RBMS3: variants seen among roughly 807,000 people sequenced by gnomAD.
The protein encoded by RBMS3 is RNA-binding motif, single-stranded-interacting protein 3.
Under a neutral mutation model 66.8 loss-of-function variants are expected in RBMS3, and 27 were observed. The observed-to-expected ratio is 0.40, with a 90% CI of 0.30 to 0.56. RBMS3 has a LOEUF of 0.56. Ranked by LOEUF, RBMS3 falls within the 20% of genes least tolerant of loss-of-function variation. The probability of loss-of-function intolerance (pLI) is 0.40; values close to 1 mark genes in which losing one functional copy is unlikely to be tolerated. For synonymous variants in RBMS3, 188 were observed against 183.0 expected (o/e 1.03, Z -0.22); for missense variants, 513 against 549.5 (o/e 0.93, Z 0.66).
At chr3:29,520,722 C>T (rs1004132884) in intron 3 of RBMS3, among the ~76,000 whole-genome samples, 33 of 151,990 alleles carry the variant, frequency 2.2e-4, no homozygotes, top group African/African-American at 6.5e-4. Context: ...TGTGTCTCAG[C>T]GAAACATTGA....
At chr3:29,497,278 G>A (rs2043790901) in intron 3 of RBMS3, among the ~76,000 whole-genome samples, 2 of 152,026 alleles carry the variant, frequency 1.3e-5, no homozygotes, top group Non-Finnish European at 2.9e-5. Flanking sequence ...CAAATTGCTG[G>A]GATTACAGGC....
intron 6 of RBMS3, among the ~76,000 whole-genome samples, chr3:29,862,734 C>T (rs2059247191): frequency 6.6e-6 from 1 of 151,738 alleles, no homozygotes. Flanking sequence ...GTCCCAGATA[C>T]TCAGGAGGAT....
chr3:29,526,570 T>G (rs1469030569), intron 3 of RBMS3, among the ~76,000 whole-genome samples: 1 of 118,222 alleles, frequency 8.5e-6, no homozygotes. Context: ...AAAAAAAAGT[T>G]TGAGAAGCAG....
At chr3:29,554,512 A>G (rs1331794923) in intron 3 of RBMS3, among the ~76,000 whole-genome samples, 1 of 152,206 alleles carries the variant, frequency 6.6e-6, no homozygotes, top group African/African-American at 2.4e-5. Flanking sequence ...ATTTACTATA[A>G]ATGGAAGTAA....
intron 3 of RBMS3, among the ~76,000 whole-genome samples, chr3:29,558,199 A>G (rs1436301956): frequency 6.6e-6 from 1 of 152,202 alleles, no homozygotes; most frequent in Non-Finnish European, 1.5e-5. Flanking sequence ...GAAGAAAGTA[A>G]TAAAAGATAT....
chr3:29,405,650 G>T (rs1195874200), intron 1 of RBMS3, among the ~76,000 whole-genome samples: 2 of 152,068 alleles, frequency 1.3e-5, no homozygotes, highest in African/African-American at 4.8e-5. Flanking sequence ...TTGCTTAACT[G>T]CATCTTGCTC....
chr3:29,321,048 G>A (rs1302426281), intron 1 of RBMS3, among the ~76,000 whole-genome samples: 5 of 151,966 alleles, frequency 3.3e-5, no homozygotes, highest in South Asian at 2.1e-4. Flanking sequence ...GCCAATGAAC[G>A]TACCAAATGA....
chr3:29,904,645 T>C (rs1462604571), intron 10 of RBMS3, among the ~76,000 whole-genome samples: 1 of 152,038 alleles, frequency 6.6e-6, no homozygotes, highest in Admixed American at 6.6e-5. Context: ...CATTTTAAAA[T>C]TTGATATACA....
intron 4 of RBMS3, among the ~76,000 whole-genome samples, chr3:29,701,518 C>T (rs1576559673): frequency 6.6e-6 from 1 of 152,116 alleles, no homozygotes; most frequent in Non-Finnish European, 1.5e-5. Context: ...CTATGGGAGC[C>T]CCTCTCTGGG....
At chr3:29,549,059 G>GTTTT (rs5847579) in intron 3 of RBMS3, among the ~76,000 whole-genome samples, 860 of 85,312 alleles carry the variant, frequency 0.01, 22 homozygotes, top group African/African-American at 0.013. Flanking sequence ...TCCTACTTCT[G>GTTTT]TTTTTTTTTT....
chr3:29,329,029 T>G (rs2035500015), intron 1 of RBMS3, among the ~76,000 whole-genome samples: 1 of 152,170 alleles, frequency 6.6e-6, no homozygotes, highest in Non-Finnish European at 1.5e-5. Flanking sequence ...TTTATTAATT[T>G]TCTGCAATTT....
chr3:29,939,924 A>T (rs1043105333), intron 11 of RBMS3, among the ~76,000 whole-genome samples: 1 of 151,614 alleles, frequency 6.6e-6, no homozygotes, highest in Non-Finnish European at 1.5e-5. Flanking sequence ...AACTAATCTC[A>T]TGAGCTTTCC....
rs7340747 is a variant in RBMS3 at position 29,835,436 on chromosome 3, C to T, written c.638-33422C>T. Among the ~76,000 whole-genome samples, 264 of 152,036 alleles carry T rather than the reference C, an allele frequency of 1.7e-3. 2 individuals carry two copies. The highest frequency in any genetic ancestry group is 6.1e-3 in the African/African-American group (253 of 41,536). On this transcript the variant is annotated intron_variant, in intron 6 of 14. Coordinates refer to ENST00000383767, the MANE Select transcript of RBMS3 (RefSeq NM_001003793.3). ...GATTGTAATCATATTAAGCATATTT[C>T]TGACCCACAGTAGTATAAAACTAGA...
intron 4 of RBMS3, among the ~76,000 whole-genome samples, chr3:29,665,079 T>G (rs369226960): frequency 2.0e-5 from 3 of 152,192 alleles, no homozygotes; most frequent in East Asian, 1.9e-4. Context: ...TAAAGGAGTG[T>G]ATATAATAAA....
chr3:29,285,765 C>T (rs1389820306), intron 1 of RBMS3, among the ~76,000 whole-genome samples: 1 of 152,160 alleles, frequency 6.6e-6, no homozygotes, highest in Admixed American at 6.6e-5. Flanking sequence ...CTAGCTGAAG[C>T]ACAATTGATT....
At chr3:29,508,970 A>G (rs1399927969) in intron 3 of RBMS3, among the ~76,000 whole-genome samples, 1 of 150,808 alleles carries the variant, frequency 6.6e-6, no homozygotes, top group Non-Finnish European at 1.5e-5. Flanking sequence ...GCTTTTCTTC[A>G]TGTGTTTGTT....
intron 3 of RBMS3, among the ~76,000 whole-genome samples, chr3:29,510,587 G>C (rs1443031414): frequency 6.6e-6 from 1 of 151,866 alleles, no homozygotes; most frequent in Non-Finnish European, 1.5e-5. Context: ...TCAAATCATG[G>C]AATATTTGCA....
At chr3:29,980,470 C>T (rs1376277558) in intron 12 of RBMS3, among the ~76,000 whole-genome samples, 1 of 152,122 alleles carries the variant, frequency 6.6e-6, no homozygotes, top group African/African-American at 2.4e-5. Context: ...GCTTTTGTTG[C>T]CATTGCTTTT....
chr3:29,539,828 C>T (rs965286862), intron 3 of RBMS3, among the ~76,000 whole-genome samples: 1 of 152,212 alleles, frequency 6.6e-6, no homozygotes, highest in Non-Finnish European at 1.5e-5. Context: ...GTTATATTCA[C>T]TAATAATTAT....
Sources: allele counts gnomAD v4.1 joint callset (sites outside exome capture counted in the v4.1 genomes callset), GRCh38; gene constraint gnomAD v4.1.1; transcripts MANE v1.5; gene names NCBI Gene and HGNC (gene_info 2026-07-23, HGNC 2026-07-21).